Variants in TSPAN15 observed in about 807,000 individuals in gnomAD.
The protein encoded by TSPAN15 is tetraspanin 15.
In TSPAN15, 20 loss-of-function variants were observed where a neutral mutation model predicts 34.5. The ratio of observed to expected loss-of-function variants is 0.58; its 90% CI spans 0.41 to 0.84. The LOEUF (loss-of-function observed/expected upper bound fraction) is 0.84, where lower values mean the gene tolerates loss of function less well. TSPAN15 is among the 40% of genes least tolerant of loss of function. TSPAN15 has a pLI of 0.00. For missense variants in TSPAN15, 313 were observed against 386.1 expected (o/e 0.81, Z 1.59); for synonymous variants, 155 against 153.9 (o/e 1.01, Z -0.05).
intron 1 of TSPAN15, among the ~76,000 whole-genome samples, chr10:69,474,557 T>TA (rs754972549): frequency 6.6e-6 from 1 of 152,110 alleles, no homozygotes; most frequent in African/African-American, 2.4e-5. Flanking sequence ...GGCCTATAGT[T>TA]ACGAGTGGTG....
At chr10:69,505,892 C>T (rs907101938) in intron 6 of TSPAN15, 46 of 419,950 alleles carry the variant, frequency 1.1e-4, no homozygotes, top group South Asian at 7.5e-5. Flanking sequence ...CCGCCAACCT[C>T]GTTTGCTGGG....
chr10:69,505,916 C>T (rs1203288106), intron 6 of TSPAN15: 6 of 432,334 alleles, frequency 1.4e-5, no homozygotes, highest in Non-Finnish European at 2.5e-5. Flanking sequence ...ACCAAAAGTG[C>T]CACCACGGTG....
the TSPAN15 span, among the ~76,000 whole-genome samples, chr10:69,531,952 A>AAC: frequency 3.8e-3 from 386 of 100,872 alleles, 1 homozygote; most frequent in East Asian, 0.019. Context: ...AAAAAAAAAC[A>AAC]AAAAAAAAAC....
At chr10:69,452,749 C>G (rs906042837) in intron 1 of TSPAN15, among the ~76,000 whole-genome samples, 3 of 152,210 alleles carry the variant, frequency 2.0e-5, no homozygotes, top group Non-Finnish European at 4.4e-5. Flanking sequence ...CCGCCCCTGT[C>G]ACTCCAGAAT....
the TSPAN15 span, among the ~76,000 whole-genome samples, chr10:69,543,254 G>C: frequency 5.9e-5 from 9 of 152,078 alleles, no homozygotes; most frequent in East Asian, 1.9e-4. Context: ...GATTCCAAAG[G>C]GGGGTAAGAC....
the TSPAN15 span, among the ~76,000 whole-genome samples, chr10:69,543,177 T>C: frequency 1.3e-5 from 2 of 152,222 alleles, no homozygotes; most frequent in African/African-American, 4.8e-5. Context: ...AATGCATTCG[T>C]CTGTGGTTCA....
chr10:69,461,779 G>A (rs556851212), intron 1 of TSPAN15, among the ~76,000 whole-genome samples: 9 of 152,170 alleles, frequency 5.9e-5, no homozygotes, highest in Admixed American at 3.3e-4. Context: ...GCTGGCTGCC[G>A]AGGCTGCACA....
chr10:69,457,126 G>A (rs759471254), intron 1 of TSPAN15, among the ~76,000 whole-genome samples: 2 of 152,296 alleles, frequency 1.3e-5, no homozygotes, highest in African/African-American at 2.4e-5. Flanking sequence ...CACTGCCCAC[G>A]GGGTATCTTA....
intron 1 of TSPAN15, among the ~76,000 whole-genome samples, chr10:69,457,991 C>T (rs895535988): frequency 2.0e-5 from 3 of 152,126 alleles, no homozygotes; most frequent in East Asian, 1.9e-4. Flanking sequence ...TTAAATTTAC[C>T]GATAAGAAAT....
intron 4 of TSPAN15, among the ~76,000 whole-genome samples, chr10:69,496,347 TAATAATAA>T (rs1409673950): frequency 9.5e-5 from 14 of 147,816 alleles, no homozygotes; most frequent in African/African-American, 2.7e-4. Flanking sequence ...ATAATAATAA[TAATAATAA>T]TAATAATAAT....
At chr10:69,539,154 A>C in the TSPAN15 span, among the ~76,000 whole-genome samples, 3 of 152,226 alleles carry the variant, frequency 2.0e-5, no homozygotes, top group South Asian at 6.2e-4. Flanking sequence ...ATGGAATGGA[A>C]AACCAAATAT....
intron 4 of TSPAN15, among the ~76,000 whole-genome samples, 190 bp from the exon 5 acceptor site, chr10:69,498,089 CA>C (rs1163122675): frequency 1.3e-5 from 2 of 152,184 alleles, no homozygotes; most frequent in Non-Finnish European, 2.9e-5. Flanking sequence ...TCTCTAGTGA[CA>C]GGGGGTTCAC....
At chr10:69,515,104 G>A in the TSPAN15 span, among the ~76,000 whole-genome samples, 1 of 152,164 alleles carries the variant, frequency 6.6e-6, no homozygotes, top group Non-Finnish European at 1.5e-5. Context: ...GTGGCCAGTT[G>A]ATCATTCTCT....
chr10:69,472,196 C>T (rs10823393), intron 1 of TSPAN15, among the ~76,000 whole-genome samples: 67,463 of 151,598 alleles, frequency 0.45, 15,456 homozygotes, highest in African/African-American at 0.5. Context: ...CCCCTTCCCT[C>T]ATCCTCTGCC....
the TSPAN15 span, among the ~76,000 whole-genome samples, chr10:69,518,626 A>G: frequency 2.6e-5 from 4 of 152,074 alleles, no homozygotes; most frequent in Non-Finnish European, 4.4e-5. Flanking sequence ...GTTTCAACAT[A>G]TTGGCCAGGC....
the TSPAN15 span, among the ~76,000 whole-genome samples, chr10:69,547,290 T>C: frequency 6.6e-6 from 1 of 152,198 alleles, no homozygotes; most frequent in Non-Finnish European, 1.5e-5. Flanking sequence ...TACCCCACTA[T>C]AGGCACTTAT....
At chr10:69,517,877 G>C in the TSPAN15 span, among the ~76,000 whole-genome samples, 1 of 152,318 alleles carries the variant, frequency 6.6e-6, no homozygotes, top group African/African-American at 2.4e-5. Context: ...GAGGAAAACT[G>C]GGCCCATGGG....
At chr10:69,455,715 T>A (rs1317639208) in intron 1 of TSPAN15, among the ~76,000 whole-genome samples, 1 of 148,048 alleles carries the variant, frequency 6.8e-6, no homozygotes, top group East Asian at 2.0e-4. Context: ...TTTGCATGGG[T>A]GTATATGTCT....
intron 5 of TSPAN15, 106 bp downstream of exon 5, chr10:69,498,502 G>A (rs987614965): frequency 5.5e-6 from 5 of 911,222 alleles, no homozygotes; most frequent in Non-Finnish European, 8.6e-6. Flanking sequence ...GTGGGTGGAT[G>A]GCAGGGAAGT....
Sources: allele counts gnomAD v4.1 joint callset (sites outside exome capture counted in the v4.1 genomes callset), GRCh38; gene constraint gnomAD v4.1.1; transcripts MANE v1.5; gene names NCBI Gene and HGNC (gene_info 2026-07-23, HGNC 2026-07-21).